RNF111: variants seen among roughly 807,000 people sequenced by gnomAD.
RNF111 encodes the protein ring finger protein 111, also known as E3 ubiquitin-protein ligase Arkadia.
A neutral mutation model predicts 95.1 loss-of-function variants in RNF111; 17 were observed. The ratio of observed to expected loss-of-function variants is 0.18; its 90% CI spans 0.12 to 0.27. RNF111 has a LOEUF of 0.27. Ranked by LOEUF, RNF111 falls within the 10% of genes least tolerant of loss-of-function variation. The probability of loss-of-function intolerance (pLI) is 1.00; values close to 1 mark genes in which losing one functional copy is unlikely to be tolerated. For synonymous variants in RNF111, 440 were observed against 414.8 expected, an observed-to-expected ratio of 1.06 and a Z score of -0.74; for missense variants, 1,189 against 1,210.4, an observed-to-expected ratio of 0.98 and a Z score of 0.26.
chr15:59,012,135 C>T (rs2039853412), intron 1 of RNF111, among the ~76,000 whole-genome samples: 1 of 148,298 alleles, frequency 6.7e-6, no homozygotes, highest in South Asian at 2.2e-4. Context: ...TCTCATGCCT[C>T]AGCCTTCTGA....
At chr15:59,028,848 C>T (rs191287545) in intron 1 of RNF111, among the ~76,000 whole-genome samples, 1 of 151,924 alleles carries the variant, frequency 6.6e-6, no homozygotes, top group African/African-American at 2.4e-5. Context: ...GGTGCAGTCC[C>T]AGCTCACTGT....
intron 1 of RNF111, among the ~76,000 whole-genome samples, chr15:59,001,862 A>C (rs1356947346): frequency 1.3e-5 from 2 of 152,224 alleles, no homozygotes; most frequent in African/African-American, 2.4e-5. Flanking sequence ...CAGCCACAAC[A>C]TGCATACCTA....
chr15:59,037,635 G>A (rs528868521), intron 2 of RNF111, among the ~76,000 whole-genome samples: 4 of 152,222 alleles, frequency 2.6e-5, no homozygotes, highest in East Asian at 1.9e-4. Context: ...TCTGGAGTTC[G>A]AGACCAGCCT....
intron 10 of RNF111, among the ~76,000 whole-genome samples, chr15:59,086,946 A>T (rs1183941158): frequency 6.6e-6 from 1 of 152,250 alleles, no homozygotes; most frequent in African/African-American, 2.4e-5. Flanking sequence ...TTAGGACATT[A>T]TAGTAGAAGA....
rs7183794 is a variant in RNF111, at chr15:59,052,098, G to A, written c.881-207G>A. Among the ~76,000 whole-genome samples, 1,487 of 152,206 alleles carry A rather than the reference G, an allele frequency of 9.8e-3. 25 individuals are homozygous for A. The highest frequency in any genetic ancestry group is 0.034 in the African/African-American group (1,400 of 41,528). On this transcript the variant is annotated intron_variant, in intron 2 of 13. Coordinates refer to ENST00000348370, the MANE Select transcript of RNF111 (RefSeq NM_017610.8). ...AATCCATAGAAGAGGAAGTAAACAT[G>A]CAAAGAAGTGTAGATTAAAACAGTG...
chr15:59,095,965 C>G lies in RNF111; in HGVS notation c.*1065C>G, dbSNP rs2079170608. On this transcript the variant is annotated 3_prime_UTR_variant, in exon 14 of 14. Coordinates refer to ENST00000348370, the MANE Select transcript of RNF111 (RefSeq NM_017610.8). ...AATAAAGTCAGCTGAATCTACATGT[C>G]TCTTGTTTTATTTCTCTCTAAACTT... is the stretch of plus-strand genomic sequence containing the variant. 1 of 398,408 alleles carries G rather than the reference C, an allele frequency of 2.5e-6. No homozygotes were observed. Among genetic ancestry groups the G allele is most frequent in the Non-Finnish European group, 4.4e-6 (1 of 225,722 alleles). 24.7% of individuals were successfully genotyped at this position (398,408 alleles called of 1,614,324 possible).
rs552139530 is a variant in RNF111, at chr15:59,060,307, TA to T, written c.1366+1770del. Among the ~76,000 whole-genome samples, 863 of 145,840 alleles carry T rather than the reference TA, an allele frequency of 5.9e-3. 4 individuals are homozygous for T. Among genetic ancestry groups the T allele is most frequent in the African/African-American group, 0.017 (671 of 39,980 alleles). On this transcript the variant is annotated intron_variant, in intron 5 of 13. Coordinates refer to ENST00000348370, the MANE Select transcript of RNF111 (RefSeq NM_017610.8). ...ATGTTATTGTATATATTTTAATTCT[TA>T]AAAAAAAAAAAATCCTTGACATGGT...
At chr15:59,067,917 A>G (rs1344973077) in intron 6 of RNF111, among the ~76,000 whole-genome samples, 1 of 152,226 alleles carries the variant, frequency 6.6e-6, no homozygotes, top group Non-Finnish European at 1.5e-5. Context: ...CAGTTTATGG[A>G]GAATCAAAAT....
intron 5 of RNF111, among the ~76,000 whole-genome samples, chr15:59,063,142 A>T (rs368859629): frequency 9.8e-5 from 15 of 152,336 alleles, no homozygotes; most frequent in Admixed American, 4.6e-4. Context: ...GCTTAGCTAC[A>T]TGATTGCATG....
chr15:59,058,305 C>T, intron 4 of RNF111, 51 bp from the exon 5 acceptor site: 2 of 1,407,208 alleles, frequency 1.4e-6, no homozygotes, highest in Non-Finnish European at 2.0e-6. Flanking sequence ...AAAATATAAC[C>T]CTTTATCTAA....
intron 6 of RNF111, among the ~76,000 whole-genome samples, chr15:59,075,178 C>G (rs2043113881): frequency 6.6e-6 from 1 of 152,184 alleles, no homozygotes; most frequent in African/African-American, 2.4e-5. Flanking sequence ...CACAGAGTTT[C>G]CACATGCTGT....
At chr15:58,990,724 T>C (rs2038776467) in intron 1 of RNF111, among the ~76,000 whole-genome samples, 1 of 152,226 alleles carries the variant, frequency 6.6e-6, no homozygotes, top group Non-Finnish European at 1.5e-5. Context: ...ATTGTAGATA[T>C]TAATTACTGA....
intron 1 of RNF111, chr15:59,004,099 G>T: frequency 1.8e-6 from 2 of 1,096,766 alleles, no homozygotes; most frequent in Non-Finnish European, 2.3e-6. Flanking sequence ...CAGACTCTTG[G>T]ATTTATTTAT....
chr15:59,033,617 TGTGG>T (rs1246385216), intron 2 of RNF111, among the ~76,000 whole-genome samples: 1 of 152,186 alleles, frequency 6.6e-6, no homozygotes, highest in Non-Finnish European at 1.5e-5. Flanking sequence ...GGATGGTTGA[TGTGG>T]AGCAGAAGTT....
At chr15:59,057,761 T>C (rs1002610660) in intron 4 of RNF111, among the ~76,000 whole-genome samples, 10 of 152,246 alleles carry the variant, frequency 6.6e-5, no homozygotes, top group Admixed American at 2.0e-4. Context: ...TAGCTAATGC[T>C]AAGTGATTAC....
intron 6 of RNF111, among the ~76,000 whole-genome samples, chr15:59,074,419 T>C (rs1166653814): frequency 1.3e-5 from 2 of 152,246 alleles, no homozygotes; most frequent in East Asian, 3.8e-4. Context: ...AGCTGGATTT[T>C]CTAGATAACT....
chr15:59,037,845 A>G (rs2041258289), intron 2 of RNF111, among the ~76,000 whole-genome samples: 2 of 152,206 alleles, frequency 1.3e-5, no homozygotes, highest in African/African-American at 4.8e-5. Flanking sequence ...TCAAAAAAAA[A>G]AGTAGGTATT....
At chr15:59,049,015 C>T (rs1334334261) in intron 2 of RNF111, among the ~76,000 whole-genome samples, 2 of 152,104 alleles carry the variant, frequency 1.3e-5, no homozygotes, top group African/African-American at 2.4e-5. Flanking sequence ...TTAGGAGGAT[C>T]ACTGGAGCCC....
Position 59,095,208 on chromosome 15 carries a change from G to A in RNF111, c.*308G>A. ...TTGTGACCCTAAACTTGCAGGCAAG[G>A]TTAGCTGCTTTAGTAAGTAGAATTT... On this transcript the variant is annotated 3_prime_UTR_variant, in exon 14 of 14. Transcript: ENST00000348370. 3.7e-6 allele frequency: 1 copy of A among 268,720 alleles called. No individual in the cohort carries two copies. Among genetic ancestry groups the A allele is most frequent in the Non-Finnish European group, 7.1e-6 (1 of 140,986 alleles). 16.6% of individuals were successfully genotyped at this position (268,720 alleles called of 1,614,324 possible).
Sources: gnomAD v4.1 joint callset for allele counts (sites outside exome capture counted in the v4.1 genomes callset) on GRCh38, gnomAD v4.1.1 for gene constraint, MANE v1.5 for transcripts, NCBI Gene and HGNC (gene_info 2026-07-23, HGNC 2026-07-21) for gene names.